ZMYM2: variants seen among roughly 807,000 people sequenced by gnomAD.
ZMYM2 encodes zinc finger MYM-type protein 2.
A neutral mutation model predicts 162.8 loss-of-function variants in ZMYM2; 56 were observed. The ratio of observed to expected loss-of-function variants is 0.34; its 90% confidence interval spans 0.28 to 0.43. The LOEUF (loss-of-function observed/expected upper bound fraction) is 0.43, where lower values mean the gene tolerates loss of function less well. ZMYM2 is among the 20% of genes least tolerant of loss of function. The pLI is 1.00. For missense variants in ZMYM2, 1,275 were observed against 1,621.8 expected, an observed-to-expected ratio of 0.79 and a Z score of 3.67; for synonymous variants, 510 against 541.6, an observed-to-expected ratio of 0.94 and a Z score of 0.81.
chr13:19,893,582 A>G, the ZMYM2 span, among the ~76,000 whole-genome samples: 1 of 151,766 alleles, frequency 6.6e-6, no homozygotes, highest in Admixed American at 6.6e-5. Flanking sequence ...TGCTAAAAAT[A>G]CAAAAACATT....
rs1443927138 is a variant in ZMYM2 at position 20,088,520 on chromosome 13, G to A, written c.*2506G>A. 1 of 199,602 alleles carries A rather than the reference G, an allele frequency of 5.0e-6. No homozygotes were observed. Among genetic ancestry groups the A allele is most frequent in the African/African-American group, 2.3e-5 (1 of 43,528 alleles). The allele number at this position is 199,602 out of a possible 1,614,324, so 12.4% of individuals were successfully genotyped here. ...AAAATATTTATCCACATTGAAGAAA[G>A]TGGATTTCCCATGCAAATTGAATCT... On this transcript the variant is annotated 3_prime_UTR_variant, in exon 25 of 25. Coordinates refer to ENST00000610343, the MANE Select transcript of ZMYM2 (RefSeq NM_197968.4).
chr13:19,954,097 C>G (rs9645839), upstream of ZMYM2, among the ~76,000 whole-genome samples: 4 of 118,566 alleles, frequency 3.4e-5, no homozygotes, highest in African/African-American at 1.2e-4. Flanking sequence ...AGCCACTGAT[C>G]TAAAATGCAT....
intron 21 of ZMYM2, among the ~76,000 whole-genome samples, chr13:20,080,671 G>C (rs1354551072): frequency 2.0e-5 from 3 of 151,970 alleles, no homozygotes; most frequent in Non-Finnish European, 4.4e-5. Context: ...TGTATTTTTT[G>C]TAGAGACGGG....
intron 4 of ZMYM2, among the ~76,000 whole-genome samples, chr13:20,004,786 A>T (rs1950624679): frequency 1.3e-5 from 2 of 152,206 alleles, no homozygotes; most frequent in South Asian, 4.1e-4. Context: ...TATAACTAAT[A>T]ACAGCTTTTC....
At chr13:19,994,354 ATAATT>A (rs910194303) in intron 3 of ZMYM2, among the ~76,000 whole-genome samples, 15 of 152,208 alleles carry the variant, frequency 9.9e-5, no homozygotes, top group African/African-American at 3.6e-4. Context: ...ATGAAGTGTG[ATAATT>A]TAATATCTTG....
intron 18 of ZMYM2, among the ~76,000 whole-genome samples, chr13:20,063,909 A>AAT (rs1391747908): frequency 6.9e-6 from 1 of 145,374 alleles, no homozygotes; most frequent in East Asian, 2.0e-4. Flanking sequence ...TTTTATATAT[A>AAT]ATATATATTT....
intron 6 of ZMYM2, among the ~76,000 whole-genome samples, chr13:20,011,415 T>A (rs1169704254): frequency 6.6e-6 from 1 of 152,196 alleles, no homozygotes; most frequent in East Asian, 1.9e-4. Context: ...GAGCATCATG[T>A]TGGTAATTGA....
intron 7 of ZMYM2, among the ~76,000 whole-genome samples, chr13:20,020,273 T>G (rs1029317227): frequency 3.3e-5 from 5 of 151,652 alleles, no homozygotes; most frequent in Non-Finnish European, 4.4e-5. Flanking sequence ...TCGCTCTTGT[T>G]GCCCAGGCTG....
chr13:20,050,544 A>T (rs916655828), intron 12 of ZMYM2, among the ~76,000 whole-genome samples: 2 of 152,034 alleles, frequency 1.3e-5, no homozygotes, highest in African/African-American at 4.8e-5. Flanking sequence ...TCAGAAACTT[A>T]AATTATGAAA....
intron 2 of ZMYM2, among the ~76,000 whole-genome samples, chr13:19,970,665 A>G (rs1956236005): frequency 6.6e-6 from 1 of 151,164 alleles, no homozygotes; most frequent in South Asian, 2.1e-4. Context: ...AAAAATATTC[A>G]TTCAGTAAAT....
rs1046712824 is a variant in ZMYM2 at position 20,010,960 on chromosome 13, T to C, written c.1512+4374T>C. Among the ~76,000 whole-genome samples the C allele has an allele frequency of 2.0e-5, 3 of 152,286 alleles. No individual in the cohort carries two copies. In the South Asian group the frequency reaches 6.2e-4, roughly 32 times the overall value. On this transcript the variant is annotated intron_variant, in intron 6 of 24. Transcript: ENST00000610343. ...GGCCCTCTTTTATTTTTAGTTGATA[T>C]GTAATACTTGTATATACGTAGGGGA...
chr13:20,031,237 A>G (rs1953101766), intron 9 of ZMYM2, 82 bp from the exon 10 acceptor site: 1 of 945,888 alleles, frequency 1.1e-6, no homozygotes, highest in Admixed American at 3.2e-5. Context: ...TACTTTCTGG[A>G]CATCGTAGAT....
intron 4 of ZMYM2, 118 bp from the exon 5 acceptor site, chr13:20,004,956 T>C: frequency 1.4e-6 from 1 of 722,538 alleles, no homozygotes; most frequent in Non-Finnish European, 2.1e-6. Context: ...ATTTATTAGA[T>C]CCAAGAATGA....
At chr13:20,034,182 T>C in intron 10 of ZMYM2, 72 bp from the exon 11 acceptor site, 1 of 1,289,454 alleles carries the variant, frequency 7.8e-7, no homozygotes, top group Non-Finnish European at 1.0e-6. Flanking sequence ...TAACTTTGCT[T>C]CTGTAAAAGT....
chr13:20,043,385 G>GTGC (rs908310131), intron 12 of ZMYM2, among the ~76,000 whole-genome samples: 1 of 152,180 alleles, frequency 6.6e-6, no homozygotes, highest in African/African-American at 2.4e-5. Context: ...CTGTGGTAGG[G>GTGC]TGCTAGTTGG....
At chr13:19,939,536 T>A in the ZMYM2 span, among the ~76,000 whole-genome samples, 2,067 of 152,346 alleles carry the variant, frequency 0.014, 41 homozygotes, top group South Asian at 0.045. Flanking sequence ...TTGTGTTTCA[T>A]CTGCATTGGT....
At chr13:19,990,082 G>A (rs1038204364) in intron 2 of ZMYM2, among the ~76,000 whole-genome samples, 1 of 152,074 alleles carries the variant, frequency 6.6e-6, no homozygotes, top group Non-Finnish European at 1.5e-5. Flanking sequence ...ACCTGAGATT[G>A]TATCACCTCT....
At chr13:20,077,501 G>C (rs1957590320) in intron 21 of ZMYM2, among the ~76,000 whole-genome samples, 1 of 150,524 alleles carries the variant, frequency 6.6e-6, no homozygotes, top group South Asian at 2.1e-4. Flanking sequence ...TACAGACTTG[G>C]TAACACAGAA....
chr13:20,041,086 T>G (rs1954203869), intron 12 of ZMYM2, among the ~76,000 whole-genome samples: 1 of 152,178 alleles, frequency 6.6e-6, no homozygotes, highest in Non-Finnish European at 1.5e-5. Flanking sequence ...TCTGTTGTTT[T>G]GGGGTGTCCA....
Sources: allele counts gnomAD v4.1 joint callset (sites outside exome capture counted in the v4.1 genomes callset), GRCh38; gene constraint gnomAD v4.1.1; transcripts MANE v1.5; gene names NCBI Gene and HGNC (gene_info 2026-07-23, HGNC 2026-07-21).